Variants in CADPS2 observed in about 807,000 individuals in gnomAD.
The protein encoded by CADPS2 is calcium-dependent secretion activator 2.
Under a neutral mutation model 172.5 loss-of-function variants are expected in CADPS2, and 93 were observed. The ratio of observed to expected loss-of-function variants is 0.54; its 90% confidence interval spans 0.46 to 0.64. The LOEUF (loss-of-function observed/expected upper bound fraction) is 0.64. Among genes scored for constraint, CADPS2 ranks in the 30% least tolerant of loss-of-function variants. CADPS2 has a pLI of 0.00. For synonymous variants in CADPS2, 546 were observed against 555.2 expected (o/e 0.98, Z 0.23); for missense variants, 1,420 against 1,565.9 (o/e 0.91, Z 1.57).
chr7:122,705,686 C>A (rs1355131531), intron 2 of CADPS2, among the ~76,000 whole-genome samples: 5 of 69,550 alleles, frequency 7.2e-5, no homozygotes, highest in African/African-American at 1.7e-4. Flanking sequence ...TATAATATAT[C>A]ACATATTATA....
chr7:122,333,461 C>T, intron 28 of CADPS2, among the ~76,000 whole-genome samples: 1 of 152,296 alleles, frequency 6.6e-6, no homozygotes, highest in South Asian at 2.1e-4. Flanking sequence ...CCCCCAGGAA[C>T]CTTTTTCAGC....
intron 1 of CADPS2, among the ~76,000 whole-genome samples, chr7:122,817,300 G>A (rs1801758471): frequency 6.6e-6 from 1 of 152,106 alleles, no homozygotes; most frequent in African/African-American, 2.4e-5. Context: ...CCAGCCCAAG[G>A]AACATCTCAC....
intron 1 of CADPS2, among the ~76,000 whole-genome samples, chr7:122,823,461 A>G (rs1803977443): frequency 6.6e-6 from 1 of 151,928 alleles, no homozygotes; most frequent in South Asian, 2.1e-4. Flanking sequence ...GTTTACTATA[A>G]GAGTATTGGC....
At chr7:122,376,659 G>A (rs1381522180) in intron 25 of CADPS2, among the ~76,000 whole-genome samples, 1 of 152,076 alleles carries the variant, frequency 6.6e-6, no homozygotes, top group Non-Finnish European at 1.5e-5. Flanking sequence ...ACAGCATAGG[G>A]CCTATAGAAA....
intron 28 of CADPS2, among the ~76,000 whole-genome samples, chr7:122,339,221 A>C (rs902609644): frequency 2.6e-5 from 4 of 152,234 alleles, no homozygotes; most frequent in Non-Finnish European, 5.9e-5. Flanking sequence ...GTACATTATC[A>C]GCTCTAAATA....
chr7:122,503,982 G>A (rs545734731), intron 9 of CADPS2, among the ~76,000 whole-genome samples: 1 of 152,274 alleles, frequency 6.6e-6, no homozygotes, highest in African/African-American at 2.4e-5. Context: ...AGGCCTCTCT[G>A]AAGACAACCA....
intron 2 of CADPS2, among the ~76,000 whole-genome samples, chr7:122,684,477 C>A (rs1387456718): frequency 6.6e-6 from 1 of 151,868 alleles, no homozygotes; most frequent in East Asian, 1.9e-4. Context: ...CTACTAGATT[C>A]TACAATTAAC....
chr7:122,372,352 G>C (rs2041867955), intron 25 of CADPS2, among the ~76,000 whole-genome samples: 1 of 152,186 alleles, frequency 6.6e-6, no homozygotes, highest in Non-Finnish European at 1.5e-5. Flanking sequence ...GGCCCAAGAA[G>C]TAACAGCATT....
intron 1 of CADPS2, among the ~76,000 whole-genome samples, chr7:122,782,828 T>A (rs1263727854): frequency 2.0e-5 from 3 of 152,240 alleles, no homozygotes; most frequent in Admixed American, 1.3e-4. Context: ...ATCCATATTT[T>A]AAAACTTATC....
At chr7:122,695,827 A>G (rs2084998863) in intron 2 of CADPS2, among the ~76,000 whole-genome samples, 1 of 152,248 alleles carries the variant, frequency 6.6e-6, no homozygotes, top group Admixed American at 6.5e-5. Context: ...ACAATGATGA[A>G]CAAAGGAAAA....
At chr7:122,407,805 A>T in intron 19 of CADPS2, 109 bp from the exon 20 acceptor site, 1 of 1,060,254 alleles carries the variant, frequency 9.4e-7, no homozygotes, top group Non-Finnish European at 1.4e-6. Flanking sequence ...TTTCACAAAC[A>T]GGTATGATAA....
chr7:122,329,782 T>C (rs992555273), intron 28 of CADPS2, among the ~76,000 whole-genome samples: 6 of 152,164 alleles, frequency 3.9e-5, no homozygotes, highest in African/African-American at 1.4e-4. Flanking sequence ...TACATACTAA[T>C]GCACAATGCC....
Position 122,625,027 on chromosome 7 carries a change from T to C in CADPS2, c.868-3310A>G, listed in dbSNP as rs1328330974. 2.0e-5 allele frequency among the ~76,000 whole-genome samples: 3 copies of C among 150,314 alleles called. No individual in the cohort carries two copies. In the East Asian group the frequency reaches 5.9e-4, roughly 30 times the overall value. On this transcript the variant is annotated intron_variant, in intron 4 of 29. Coordinates refer to ENST00000449022, the MANE Select transcript of CADPS2 (RefSeq NM_017954.11). ...CAGATGATGCCCTTTGAGCTAAAAG[T>C]GGATAAGGAAGTATGATGATTAATT...
At chr7:122,778,983 C>T (rs945170231) in intron 1 of CADPS2, among the ~76,000 whole-genome samples, 1 of 152,064 alleles carries the variant, frequency 6.6e-6, no homozygotes, top group Non-Finnish European at 1.5e-5. Context: ...TTTTCCCATG[C>T]TCTTCTTGTG....
chr7:122,875,462 G>C (rs1431166451), intron 1 of CADPS2, among the ~76,000 whole-genome samples: 2 of 151,988 alleles, frequency 1.3e-5, no homozygotes, highest in Non-Finnish European at 2.9e-5. Flanking sequence ...TTTAGTCAAA[G>C]AAGACAAAAA....
chr7:122,864,159 T>C (rs1040650704), intron 1 of CADPS2, among the ~76,000 whole-genome samples: 1 of 152,216 alleles, frequency 6.6e-6, no homozygotes, highest in Non-Finnish European at 1.5e-5. Context: ...GGAATGCAGA[T>C]GCTGTTGGCA....
chr7:122,533,217 A>G (rs1446611733), intron 8 of CADPS2, among the ~76,000 whole-genome samples: 1 of 152,094 alleles, frequency 6.6e-6, no homozygotes, highest in Non-Finnish European at 1.5e-5. Context: ...GATAAAACCA[A>G]TAATATCTTT....
intron 14 of CADPS2, among the ~76,000 whole-genome samples, chr7:122,453,433 A>G (rs2053383252): frequency 6.6e-6 from 1 of 152,212 alleles, no homozygotes; most frequent in Admixed American, 6.5e-5. Context: ...CAATGATCAC[A>G]AAAGCTCAAC....
At chr7:122,644,005 G>C (rs1224070046) in intron 3 of CADPS2, among the ~76,000 whole-genome samples, 1 of 152,044 alleles carries the variant, frequency 6.6e-6, no homozygotes. Context: ...ATGAGGCGGA[G>C]ATTGCAGTGA....
Sources: allele counts gnomAD v4.1 joint callset (sites outside exome capture counted in the v4.1 genomes callset), GRCh38; gene constraint gnomAD v4.1.1; transcripts MANE v1.5; gene names NCBI Gene and HGNC (gene_info 2026-07-23, HGNC 2026-07-21).